Variants in WWOX observed in about 807,000 individuals in gnomAD.
The protein encoded by WWOX is WW domain-containing oxidoreductase.
A neutral mutation model predicts 46.2 loss-of-function variants in WWOX; 69 were observed. That is an observed-to-expected ratio of 1.49 (90% CI 1.23 to 1.82). WWOX has a LOEUF of 1.82. WWOX is among the 40% of genes most tolerant of loss of function. WWOX has a pLI of 0.00. For missense variants in WWOX, 919 were observed against 542.6 expected (o/e 1.69, Z -6.89); for synonymous variants, 359 against 202.6 (o/e 1.77, Z -6.56).
At chr16:78,356,722 A>G (rs184540279) in intron 5 of WWOX, among the ~76,000 whole-genome samples, 4 of 152,296 alleles carry the variant, frequency 2.6e-5, no homozygotes, top group Admixed American at 1.3e-4. Flanking sequence ...CTCTACTAAA[A>G]ATAGAAAAAA....
chr16:78,686,741 A>T (rs975920370), intron 8 of WWOX, among the ~76,000 whole-genome samples: 1 of 151,778 alleles, frequency 6.6e-6, no homozygotes. Context: ...TTTATAAGCA[A>T]CTCCACCCTG....
chr16:78,921,575 C>T lies in WWOX; in HGVS notation c.1057-290033C>T, dbSNP rs191285402. Reference sequence around the variant, plus strand: ...TCATTGGGACTGAGCAGCTTACTCACATTCTCATTTCACTGATGAGGAAAC... The same window carrying T: ...TCATTGGGACTGAGCAGCTTACTCATATTCTCATTTCACTGATGAGGAAAC... On this transcript the variant is annotated intron_variant, in intron 8 of 8. Coordinates refer to ENST00000566780, the MANE Select transcript of WWOX (RefSeq NM_016373.4). Among the ~76,000 whole-genome samples the T allele has an allele frequency of 5.9e-5, 9 of 152,328 alleles. No homozygotes were observed. The East Asian group carries it at 1.5e-3, about 26-fold the overall frequency.
chr16:79,119,355 T>G (rs1419071190), intron 8 of WWOX, among the ~76,000 whole-genome samples: 1 of 152,194 alleles, frequency 6.6e-6, no homozygotes, highest in African/African-American at 2.4e-5. Flanking sequence ...GAGGTTTCGT[T>G]ATATTAATGG....
chr16:78,691,630 C>T (rs943885091), intron 8 of WWOX, among the ~76,000 whole-genome samples: 1 of 152,094 alleles, frequency 6.6e-6, no homozygotes, highest in African/African-American at 2.4e-5. Context: ...ATTGTTTGAG[C>T]CTAGGAGGTT....
intron 5 of WWOX, among the ~76,000 whole-genome samples, chr16:78,272,573 A>G (rs151087460): frequency 2.0e-5 from 3 of 152,308 alleles, no homozygotes; most frequent in East Asian, 1.9e-4. Flanking sequence ...ATTTGCAGCC[A>G]TCTTTATTCC....
At chr16:79,205,891 A>G (rs773675993) in intron 8 of WWOX, 6 of 152,160 alleles carry the variant, frequency 3.9e-5, no homozygotes, top group Admixed American at 1.3e-4. Flanking sequence ...GGGAACTGAT[A>G]AGATGGGGGT....
intron 8 of WWOX, among the ~76,000 whole-genome samples, chr16:79,134,311 C>T (rs756395430): frequency 8.5e-5 from 13 of 152,052 alleles, no homozygotes; most frequent in African/African-American, 3.1e-4. Flanking sequence ...TTCACCAAGA[C>T]AGTTGTAGGT....
chr16:78,626,217 G>A (rs1567446244), intron 8 of WWOX, among the ~76,000 whole-genome samples: 2 of 151,746 alleles, frequency 1.3e-5, no homozygotes, highest in African/African-American at 2.4e-5. Flanking sequence ...TGCAACCTCC[G>A]CCTCGCAGGT....
chr16:78,790,205 C>T (rs571061721), intron 8 of WWOX, among the ~76,000 whole-genome samples: 240 of 152,224 alleles, frequency 1.6e-3, no homozygotes, highest in Non-Finnish European at 2.8e-3. Flanking sequence ...GGTGCGATCT[C>T]AGCTCACTGC....
At chr16:78,798,431 A>C (rs2050800115) in intron 8 of WWOX, among the ~76,000 whole-genome samples, 1 of 152,160 alleles carries the variant, frequency 6.6e-6, no homozygotes, top group African/African-American at 2.4e-5. Flanking sequence ...GCGGGAACAA[A>C]AGCTATTTTA....
intron 8 of WWOX, among the ~76,000 whole-genome samples, chr16:78,770,658 C>A (rs1039977062): frequency 6.6e-6 from 1 of 150,724 alleles, no homozygotes; most frequent in African/African-American, 2.4e-5. Context: ...AACTCCCGCC[C>A]CCTCCCCCCC....
chr16:78,484,517 A>G (rs1181316759), intron 8 of WWOX, among the ~76,000 whole-genome samples: 5 of 152,218 alleles, frequency 3.3e-5, no homozygotes, highest in African/African-American at 9.6e-5. Context: ...AGCTGCATTT[A>G]TATCTGCGTG....
intron 8 of WWOX, among the ~76,000 whole-genome samples, chr16:78,630,007 T>G (rs932729126): frequency 6.6e-6 from 1 of 152,190 alleles, no homozygotes; most frequent in East Asian, 1.9e-4. Flanking sequence ...CCTGCCTTCT[T>G]TTTTTCTCCT....
intron 8 of WWOX, among the ~76,000 whole-genome samples, chr16:79,149,908 T>C: frequency 6.6e-6 from 1 of 152,120 alleles, no homozygotes; most frequent in Non-Finnish European, 1.5e-5. Context: ...CTTCTATCCA[T>C]CAACCCACCC....
At chr16:78,591,809 T>G (rs2045358681) in intron 8 of WWOX, among the ~76,000 whole-genome samples, 1 of 152,190 alleles carries the variant, frequency 6.6e-6, no homozygotes, top group Admixed American at 6.5e-5. Context: ...CAGTGGTAGC[T>G]GGTGACAAAA....
chr16:78,979,543 C>A (rs78486988), intron 8 of WWOX, among the ~76,000 whole-genome samples: 3 of 152,132 alleles, frequency 2.0e-5, no homozygotes, highest in African/African-American at 7.2e-5. Flanking sequence ...AATCAGCTAG[C>A]GATGGCTAAG....
intron 8 of WWOX, among the ~76,000 whole-genome samples, chr16:79,155,852 A>G (rs1341999132): frequency 6.6e-6 from 1 of 151,940 alleles, no homozygotes; most frequent in Non-Finnish European, 1.5e-5. Flanking sequence ...TAGAGGACTA[A>G]TACATATAAG....
At chr16:78,818,261 C>T (rs989111762) in intron 8 of WWOX, among the ~76,000 whole-genome samples, 2 of 152,198 alleles carry the variant, frequency 1.3e-5, no homozygotes, top group Admixed American at 6.5e-5. Flanking sequence ...GGCTGCACAT[C>T]AGAGCCCATC....
intron 8 of WWOX, among the ~76,000 whole-genome samples, chr16:78,609,419 C>T (rs2045843996): frequency 6.6e-6 from 1 of 150,972 alleles, no homozygotes; most frequent in African/African-American, 2.4e-5. Context: ...AAGAATCTTG[C>T]TTTTAAAGCG....
Sources: gnomAD v4.1 joint callset for allele counts (sites outside exome capture counted in the v4.1 genomes callset) on GRCh38, gnomAD v4.1.1 for gene constraint, MANE v1.5 for transcripts, NCBI Gene and HGNC (gene_info 2026-07-23, HGNC 2026-07-21) for gene names.